Variants in KHSRP observed in about 807,000 individuals in gnomAD.
The protein encoded by KHSRP is KH-type splicing regulatory protein, also known as far upstream element-binding protein 2.
A neutral mutation model predicts 94.9 loss-of-function variants in KHSRP; 13 were observed. The observed-to-expected ratio is 0.14, with a 90% CI of 0.09 to 0.22. The LOEUF (loss-of-function observed/expected upper bound fraction) is 0.22, where lower values mean the gene tolerates loss of function less well. KHSRP is among the 10% of genes least tolerant of loss of function. The pLI is 1.00. For synonymous variants in KHSRP, 495 were observed against 401.4 expected (o/e 1.23, Z -2.79); for missense variants, 710 against 1,010.0 (o/e 0.70, Z 4.03).
In KHSRP at chr19:6,414,062, TG is replaced by T; in HGVS notation, c.*961del. ...ACAGAAGCCCCCAAACAGAACAAAA[TG>T]GAAAAAAAAAAGATTTTTCACAGAT... On this transcript the variant is annotated 3_prime_UTR_variant, in exon 19 of 19. Transcript: ENST00000600480. 2 of 1,562,892 alleles carry T rather than the reference TG, an allele frequency of 1.3e-6. No homozygotes were observed. Among genetic ancestry groups the T allele is most frequent in the Admixed American group, 3.7e-5 (2 of 54,226 alleles).
At chr19:6,423,678 C>T (rs1264831252) in intron 1 of KHSRP, among the ~76,000 whole-genome samples, 1 of 152,266 alleles carries the variant, frequency 6.6e-6, no homozygotes, top group African/African-American at 2.4e-5. Context: ...GAGCCAGTCT[C>T]TAGCCCCGGA....
In KHSRP at chr19:6,415,886, G is replaced by C. The variant is rs1555726822; in HGVS notation, c.1609C>G (p.Pro537Ala). The change falls in exon 16 of 19, where the codon CCC becomes GCC. Residue 537 changes from proline to alanine, a missense_variant. This residue lies in a region of KHSRP where 292 missense variants were observed against 340.5 expected (regional missense o/e 0.86). Transcript: ENST00000600480. ...TGGGGTGGGTACTGGTGAGGAGGGG[G>C]CCCCCCGGCACTGCAGGAGAGAAGA... Reference protein sequence around the residue: ...PPGAPPHAGGPPPHQYPPQGW... With the variant: ...PPGAPPHAGGAPPHQYPPQGW... The C allele has an allele frequency of 2.0e-6, 3 of 1,523,730 alleles. No individual in the cohort carries two copies. Among genetic ancestry groups the C allele is most frequent in the South Asian group, 2.5e-5 (2 of 78,696 alleles). 94.4% of individuals were successfully genotyped at this position (1,523,730 alleles called of 1,614,324 possible). A position where few individuals can be genotyped will look rare whatever the true frequency, so the allele number is the denominator to read the frequency against.
rs1256805351 is a variant in KHSRP, at chr19:6,418,651, G to A, written c.780+51C>T. On this transcript the variant is annotated intron_variant, in intron 8 of 18. Transcript: ENST00000600480. The surrounding 1 kb of genome is among the most constrained non-coding windows in gnomAD (Gnocchi z 4.3). Reference sequence around the variant, plus strand: ...TTCCTGGGCTGCTGTGGTGGTGGCGGTGGGGTGTGGCACACGGATGCAGAG... The same window carrying A: ...TTCCTGGGCTGCTGTGGTGGTGGCGATGGGGTGTGGCACACGGATGCAGAG... 6.2e-7 allele frequency: 1 copy of A among 1,613,226 alleles called. No individual in the cohort carries two copies. The highest frequency in any genetic ancestry group is 1.3e-5 in the African/African-American group (1 of 74,940).
Position 6,415,536 on chromosome 19 carries a change from A to T in KHSRP, c.1886T>A (p.Ile629Asn). ...TKAWEEYYKK[I>N]GQQPQQPGAP... ...CCCCCGCCACCCTGCAGACTCACCG[A>T]TCTTTTTGTAATACTCTTCCCAGGC... Residue 629 changes from isoleucine (I) to asparagine (N), a missense_variant and splice_region_variant, in exon 17 of 19, where the codon ATC becomes AAC. Physicochemically the swap from Ile to Asn is moderately radical, Grantham distance 149 (BLOSUM62 -3). Around this residue, in one of 5 missense-constraint regions of KHSRP, gnomAD observed 292 missense variants for 340.5 expected, o/e 0.86. Coordinates refer to ENST00000600480, the MANE Select transcript of KHSRP (RefSeq NM_001366299.1). 1 of 1,541,438 alleles carries T rather than the reference A, an allele frequency of 6.5e-7. No individual in the cohort carries two copies. Among genetic ancestry groups the T allele is most frequent in the Non-Finnish European group, 8.8e-7 (1 of 1,142,796 alleles).
At position 6,414,716 on chromosome 19, in the gene KHSRP, C is replaced by A; in HGVS notation, c.*308G>T. The A allele has an allele frequency of 9.6e-7, 1 of 1,039,434 alleles. No individual in the cohort carries two copies. The allele number at this position is 1,039,434 out of a possible 1,614,324, so 64.4% of individuals were successfully genotyped here. ...ATAAAAGAATAAAAAGAACAAAAAC[C>A]AAAAAAGTGATGCAGAGAAGGGGAA... On this transcript the variant is annotated 3_prime_UTR_variant, in exon 19 of 19. Transcript: ENST00000600480.
intron 13 of KHSRP, 24 bp from the exon 14 acceptor site, chr19:6,416,674 G>A (rs775040773): frequency 6.2e-7 from 1 of 1,613,634 alleles, no homozygotes; most frequent in South Asian, 1.1e-5. Context: ...GAAGGTGAAG[G>A]TGGCCTGCAG....
At position 6,415,699 on chromosome 19, in the gene KHSRP, C is replaced by T. The variant is rs1197165582; in HGVS notation, c.1723G>A (p.Ala575Thr). The change falls in exon 17 of 19, where the codon GCG (alanine) becomes ACG (threonine). Residue 575 changes from alanine to threonine, a missense_variant. Around this residue, in one of 5 missense-constraint regions of KHSRP, gnomAD observed 292 missense variants for 340.5 expected, o/e 0.86. Coordinates refer to ENST00000600480, the MANE Select transcript of KHSRP (RefSeq NM_001366299.1). ...TAGTGTGAGTAGTAGGCGGCCCACG[C>T]GGCGTTGGGGTCCGCGGCCGCTGCA... Reference protein sequence around the residue: ...AAAAAADPNAAWAAYYSHYYQ... With the variant: ...AAAAAADPNATWAAYYSHYYQ... 7.1e-6 allele frequency: 11 copies of T among 1,548,792 alleles called. No individual in the cohort carries two copies. The highest frequency in any genetic ancestry group is 4.1e-5 in the African/African-American group (3 of 73,034).
chr19:6,424,534 C>G lies in KHSRP; in HGVS notation c.168G>C (p.Gly56=). 3.1e-6 allele frequency: 3 copies of G among 979,042 alleles called. No homozygotes were observed. The highest frequency in any genetic ancestry group is 3.6e-6 in the Non-Finnish European group (3 of 826,454). 60.6% of individuals were successfully genotyped at this position (979,042 alleles called of 1,614,324 possible). The change falls in exon 1 of 19, where the codon GGG becomes GGC. Residue 56 remains glycine, a synonymous_variant. Transcript: ENST00000600480. ...GGGGPGGGSA[G]GPSQPPGGGG... ...CTCCGCCGGGTGGCTGAGAGGGGCC[C>G]CCGGCCGACCCCCCGCCCGGGCCGC... is the stretch of plus-strand genomic sequence containing the variant.
At chr19:6,417,872 C>G in intron 10 of KHSRP, 31 bp from the exon 11 acceptor site, 1 of 1,607,280 alleles carries the variant, frequency 6.2e-7, no homozygotes, top group South Asian at 1.1e-5. Context: ...GTCAGCTCGG[C>G]CCGCAGCTCT....
chr19:6,413,992 T>C lies in KHSRP; in HGVS notation c.*1032A>G. 2.7e-6 allele frequency: 3 copies of C among 1,126,350 alleles called. No individual in the cohort carries two copies. The highest frequency in any genetic ancestry group is 1.9e-5 in the South Asian group (1 of 51,520). 69.8% of individuals were successfully genotyped at this position (1,126,350 alleles called of 1,614,324 possible). On this transcript the variant is annotated 3_prime_UTR_variant, in exon 19 of 19. Transcript: ENST00000600480. The stretch of plus-strand genomic sequence containing the variant: ...CCCCCACCCTGCTTGCCGCGAGGGC[T>C]CCCCAGTACTCCCCACGGCAGCCAT...
chr19:6,423,107 C>T (rs1378950861), intron 1 of KHSRP, among the ~76,000 whole-genome samples: 1 of 152,104 alleles, frequency 6.6e-6, no homozygotes, highest in African/African-American at 2.4e-5. Context: ...GGTCAAACTC[C>T]ATCTCTACTA....
intron 10 of KHSRP, 65 bp downstream of exon 10, chr19:6,417,916 C>T: frequency 6.2e-7 from 1 of 1,604,388 alleles, no homozygotes; most frequent in African/African-American, 1.3e-5. Context: ...CACAAGGAGC[C>T]ACTCACCCCG....
At chr19:6,416,927 G>C in intron 12 of KHSRP, 45 bp from the exon 13 acceptor site, 1 of 1,613,058 alleles carries the variant, frequency 6.2e-7, no homozygotes, top group Non-Finnish European at 8.5e-7. Flanking sequence ...CTGGAAGCCG[G>C]TCTGGTCTTG....
chr19:6,418,641 G>C lies in KHSRP; in HGVS notation c.781-60C>G. 6.2e-7 allele frequency: 1 copy of C among 1,612,686 alleles called. No homozygotes were observed. The highest frequency in any genetic ancestry group is 1.7e-5 in the Admixed American group (1 of 60,010). On this transcript the variant is annotated intron_variant, in intron 8 of 18. Transcript: ENST00000600480. This position sits in a 1 kb window ranked among gnomAD's most constrained non-coding sequence, Gnocchi z 4.3. ...CTCCCAGGACTTCCTGGGCTGCTGT[G>C]GTGGTGGCGGTGGGGTGTGGCACAC...
chr19:6,413,350 G>T lies in KHSRP; in HGVS notation c.*1674C>A. On this transcript the variant is annotated 3_prime_UTR_variant, in exon 19 of 19. Coordinates refer to ENST00000600480, the MANE Select transcript of KHSRP (RefSeq NM_001366299.1). ...GACAGACAGCACCCGCAGACGGGGA[G>T]GTTTTGTTATCATTTATTTGTGAAG... 1 of 376,532 alleles carries T rather than the reference G, an allele frequency of 2.7e-6. No individual in the cohort carries two copies. The highest frequency in any genetic ancestry group is 5.3e-6 in the Non-Finnish European group (1 of 189,646). The allele number at this position is 376,532 out of a possible 1,614,324, so 23.3% of individuals were successfully genotyped here.
At chr19:6,416,964 C>T in intron 12 of KHSRP, 23 bp downstream of exon 12, 1 of 1,613,712 alleles carries the variant, frequency 6.2e-7, no homozygotes, top group South Asian at 1.1e-5. Flanking sequence ...CTGCCAGCCC[C>T]TTCAGCACCC....
Position 6,416,418 on chromosome 19 carries a change from G to A in KHSRP, c.1489-11C>T, listed in dbSNP as rs761609095. The A allele has an allele frequency of 1.9e-6, 3 of 1,613,116 alleles. No homozygotes were observed. The highest frequency in any genetic ancestry group is 2.5e-6 in the Non-Finnish European group (3 of 1,179,532). ...TGGGCAGAGAGGACCCTAGAAGGAA[G>A]GAGAGTAACCAAGGTAAGTGGGCTG... is the stretch of plus-strand genomic sequence containing the variant. On this transcript the variant is annotated splice_polypyrimidine_tract_variant and intron_variant, in intron 14 of 18. Transcript: ENST00000600480.
Position 6,416,535 on chromosome 19 carries a change from G to C in KHSRP, c.1443C>G (p.Pro481=), listed in dbSNP as rs1279271940. Reference sequence around the variant, plus strand: ...GCTGCTTGGCGTGGTCAATCTGCTGGGGTGAACCCCGGATGATGAACAACT... The same window carrying C: ...GCTGCTTGGCGTGGTCAATCTGCTGCGGTGAACCCCGGATGATGAACAACT... ...NFKLFIIRGS[P]QQIDHAKQLI... The change falls in exon 14 of 19, where the codon CCC becomes CCG. Residue 481 remains proline (P), a synonymous_variant. Coordinates refer to ENST00000600480, the MANE Select transcript of KHSRP (RefSeq NM_001366299.1). The C allele has an allele frequency of 2.0e-5, 33 of 1,613,830 alleles. No individual in the cohort carries two copies. Among genetic ancestry groups the C allele is most frequent in the Non-Finnish European group, 2.7e-5 (32 of 1,179,758 alleles).
intron 7 of KHSRP, 118 bp downstream of exon 7, chr19:6,419,085 G>T: frequency 1.7e-6 from 2 of 1,177,408 alleles, no homozygotes; most frequent in East Asian, 2.6e-5. Flanking sequence ...GCTGTCTGGA[G>T]ATGGGGGCAA....
Sources: gnomAD v4.1 joint callset for allele counts (sites outside exome capture counted in the v4.1 genomes callset) on GRCh38, gnomAD v4.1.1 for gene constraint, gnomAD v4.1.1 regional missense constraint, Gnocchi (gnomAD v3.1) non-coding constraint, MANE v1.5 for transcripts, NCBI Gene and HGNC (gene_info 2026-07-23, HGNC 2026-07-21) for gene names.